DHRSX: variants seen among roughly 807,000 people sequenced by gnomAD.
DHRSX encodes dehydrogenase/reductase X-linked.
A neutral mutation model predicts 34.0 loss-of-function variants in DHRSX; 31 were observed. The observed-to-expected ratio is 0.91, with a 90% CI of 0.69 to 1.23. The LOEUF is 1.23. Ranked by LOEUF, DHRSX falls within the 50% of genes most tolerant of loss-of-function variation. DHRSX has a pLI of 0.00. For synonymous variants in DHRSX, 201 were observed against 183.8 expected (o/e 1.09, Z -0.76); for missense variants, 414 against 428.1 (o/e 0.97, Z 0.29).
intron 5 of DHRSX, among the ~76,000 whole-genome samples, chrX:2,249,983 G>A (rs767214252): frequency 1.3e-5 from 2 of 151,730 alleles, no homozygotes; most frequent in South Asian, 4.2e-4. Context: ...CTAACACGGT[G>A]AAACCCCGTC....
chrX:2,416,051 C>T (rs1353826205), intron 2 of DHRSX, among the ~76,000 whole-genome samples: 1 of 151,844 alleles, frequency 6.6e-6, no homozygotes, highest in Non-Finnish European at 1.5e-5. Context: ...TCATGACCAA[C>T]CCAACCGGAC....
intron 1 of DHRSX, among the ~76,000 whole-genome samples, chrX:2,431,824 G>C (rs972958594): frequency 1.3e-5 from 2 of 152,132 alleles, no homozygotes; most frequent in Non-Finnish European, 2.9e-5. Context: ...TGGGTGACGG[G>C]ATCCTTGTGC....
chrX:2,371,566 T>TTCCATTACCATAGTACCTCC (rs2043069589), intron 3 of DHRSX, among the ~76,000 whole-genome samples: 2 of 149,326 alleles, frequency 1.3e-5, no homozygotes, highest in Non-Finnish European at 3.0e-5. Context: ...TAGTCCCTCC[T>TTCCATTACCATAGTACCTCC]TCCATTACCA....
chrX:2,368,102 G>A (rs2124596077), intron 3 of DHRSX, among the ~76,000 whole-genome samples: 1 of 151,938 alleles, frequency 6.6e-6, no homozygotes, highest in South Asian at 2.1e-4. Flanking sequence ...AATTAGCCGG[G>A]CGTGGTGCCG....
At chrX:2,303,865 A>ATGGG (rs1207702946) in intron 3 of DHRSX, among the ~76,000 whole-genome samples, 106 of 121,482 alleles carry the variant, frequency 8.7e-4, no homozygotes, top group African/African-American at 3.0e-3. Context: ...GGATGGGTGG[A>ATGGG]TGGGTGGATG....
intron 5 of DHRSX, among the ~76,000 whole-genome samples, chrX:2,260,460 A>ATT (rs772144524): frequency 0.015 from 1,821 of 124,138 alleles, 30 homozygotes; most frequent in South Asian, 0.058. Context: ...TTTCTACTTC[A>ATT]TTTTTTTTTT....
chrX:2,451,351 C>G lies in DHRSX; in HGVS notation c.110-26047G>C, dbSNP rs761578802. Among the ~76,000 whole-genome samples the G allele has an allele frequency of 1.9e-3, 294 of 152,168 alleles. 1 individual carries two copies. The highest frequency in any genetic ancestry group is 6.8e-3 in the African/African-American group (281 of 41,520). ...ACAGGCCACCTTCAAAGGTTTCTTT[C>G]CTGTCATCCTCCCAAGTCTACACGA... On this transcript the variant is annotated intron_variant, in intron 1 of 6. Coordinates refer to ENST00000334651, the MANE Select transcript of DHRSX (RefSeq NM_145177.3).
chrX:2,254,909 G>A (rs1264175711), intron 5 of DHRSX, among the ~76,000 whole-genome samples: 2 of 151,068 alleles, frequency 1.3e-5, no homozygotes, highest in African/African-American at 4.9e-5. Context: ...TCCCATAGTG[G>A]TGGGATTACA....
In DHRSX at chrX:2,376,285, G is replaced by A. The variant is rs1014797084; in HGVS notation, c.286+32460C>T. Among the ~76,000 whole-genome samples, 29 of 137,808 alleles carry A rather than the reference G, an allele frequency of 2.1e-4. 3 individuals are homozygous for A. Among genetic ancestry groups the A allele is most frequent in the African/African-American group, 5.9e-4 (24 of 40,550 alleles). 90.4% of individuals were successfully genotyped at this position (137,808 alleles called of 152,430 possible). A position where few individuals can be genotyped will look rare whatever the true frequency, so the allele number is the denominator to read the frequency against. On this transcript the variant is annotated intron_variant, in intron 3 of 6. Transcript: ENST00000334651. Reference sequence around the variant, plus strand: ...TGTGTGTATGTGTCTGAGTGTGCATGTATGTCTACACTTGCCATAAACGAA... The same window carrying A: ...TGTGTGTATGTGTCTGAGTGTGCATATATGTCTACACTTGCCATAAACGAA...
chrX:2,479,687 A>T (rs1455379277), intron 1 of DHRSX, among the ~76,000 whole-genome samples: 1 of 150,394 alleles, frequency 6.6e-6, no homozygotes, highest in African/African-American at 2.5e-5. Context: ...CGCCATGTAC[A>T]CACTGAAGAC....
At chrX:2,452,110 A>T (rs1263079641) in intron 1 of DHRSX, among the ~76,000 whole-genome samples, 1 of 146,150 alleles carries the variant, frequency 6.8e-6, no homozygotes, top group South Asian at 2.2e-4. Flanking sequence ...GAAGACGTTC[A>T]CTAAGCATAC....
chrX:2,500,654 G>GCCCC (rs546772121), intron 1 of DHRSX, 163 bp downstream of exon 1: 3 of 126,688 alleles, frequency 2.4e-5, no homozygotes, highest in East Asian at 2.5e-4. Context: ...CGCGCACGCC[G>GCCCC]CCCCCCCCCC....
chrX:2,352,563 G>A (rs1045762027), intron 3 of DHRSX, among the ~76,000 whole-genome samples: 2 of 152,122 alleles, frequency 1.3e-5, no homozygotes, highest in Non-Finnish European at 2.9e-5. Flanking sequence ...CAGGATCAAC[G>A]CACAGTGTTA....
At chrX:2,489,782 G>A (rs1055967784) in intron 1 of DHRSX, 38 of 1,613,260 alleles carry the variant, frequency 2.4e-5, no homozygotes, top group African/African-American at 4.0e-5. Context: ...GCGGCAGCGC[G>A]ACAGCAGCGC....
intron 3 of DHRSX, among the ~76,000 whole-genome samples, chrX:2,386,175 A>ATTTG (rs2043269269): frequency 1.3e-5 from 2 of 150,184 alleles, no homozygotes; most frequent in Admixed American, 6.7e-5. Flanking sequence ...TTATTTATTT[A>ATTTG]TTTATTTATT....
At chrX:2,483,805 A>G (rs1287174719) in intron 1 of DHRSX, among the ~76,000 whole-genome samples, 2 of 140,332 alleles carry the variant, frequency 1.4e-5, no homozygotes, top group Non-Finnish European at 3.1e-5. Context: ...AAAAAAAAAA[A>G]AAAAGTAGTT....
chrX:2,286,515 T>C (rs1410671165), intron 4 of DHRSX, among the ~76,000 whole-genome samples: 3 of 152,170 alleles, frequency 2.0e-5, no homozygotes, highest in South Asian at 4.1e-4. Flanking sequence ...GCCCATGGGC[T>C]TCACGAAGCT....
intron 1 of DHRSX, among the ~76,000 whole-genome samples, chrX:2,471,823 A>G (rs1253189600): frequency 6.6e-6 from 1 of 152,108 alleles, no homozygotes; most frequent in Non-Finnish European, 1.5e-5. Flanking sequence ...TGGTGCATAT[A>G]CACTATGGAA....
At chrX:2,346,664 T>TGTC (rs2042718237) in intron 3 of DHRSX, among the ~76,000 whole-genome samples, 1 of 151,786 alleles carries the variant, frequency 6.6e-6, no homozygotes, top group Non-Finnish European at 1.5e-5. Context: ...TTGTTGTTGT[T>TGTC]GTTTAATACT....
Sources: allele counts gnomAD v4.1 joint callset (sites outside exome capture counted in the v4.1 genomes callset), GRCh38; gene constraint gnomAD v4.1.1; transcripts MANE v1.5; gene names NCBI Gene and HGNC (gene_info 2026-07-23, HGNC 2026-07-21).